PTPRD: variants seen among roughly 807,000 people sequenced by gnomAD.
The protein encoded by PTPRD is receptor-type tyrosine-protein phosphatase delta.
Under a neutral mutation model 214.5 loss-of-function variants are expected in PTPRD, and 34 were observed. The ratio of observed to expected loss-of-function variants is 0.16; its 90% CI spans 0.12 to 0.21. The LOEUF (loss-of-function observed/expected upper bound fraction) is 0.21. Among genes scored for constraint, PTPRD ranks in the 10% least tolerant of loss-of-function variants. The pLI is 1.00. For missense variants in PTPRD, 2,545 were observed against 2,398.7 expected, an observed-to-expected ratio of 1.06 and a Z score of -1.27; for synonymous variants, 1,128 against 845.7, an observed-to-expected ratio of 1.33 and a Z score of -5.79.
At chr9:10,200,357 T>G (rs747608478) in intron 3 of PTPRD, among the ~76,000 whole-genome samples, 9 of 152,040 alleles carry the variant, frequency 5.9e-5, no homozygotes, top group Non-Finnish European at 1.3e-4. Flanking sequence ...ATGTGCAGAC[T>G]TTTTTTATTG....
At chr9:8,908,283 A>G (rs910539583) in intron 11 of PTPRD, among the ~76,000 whole-genome samples, 2 of 152,230 alleles carry the variant, frequency 1.3e-5, no homozygotes, top group African/African-American at 2.4e-5. Flanking sequence ...CTTGCACTGT[A>G]AGAAACACTA....
intron 4 of PTPRD, among the ~76,000 whole-genome samples, chr9:9,999,005 G>A (rs1452767758): frequency 6.6e-6 from 1 of 152,160 alleles, no homozygotes; most frequent in Non-Finnish European, 1.5e-5. Context: ...GGAAACAGAT[G>A]AGGTAGCCAA....
At chr9:10,270,755 G>C (rs1012123355) in intron 3 of PTPRD, among the ~76,000 whole-genome samples, 1 of 152,082 alleles carries the variant, frequency 6.6e-6, no homozygotes, top group African/African-American at 2.4e-5. Context: ...CTAGAATATA[G>C]ACTATTTTCT....
chr9:9,239,108 C>T (rs2099968935), intron 9 of PTPRD, among the ~76,000 whole-genome samples: 1 of 151,704 alleles, frequency 6.6e-6, no homozygotes, highest in Non-Finnish European at 1.5e-5. Context: ...AATCTATTAC[C>T]CTGTCTTCTC....
At chr9:9,622,951 C>A (rs1017595663) in intron 7 of PTPRD, among the ~76,000 whole-genome samples, 1 of 152,110 alleles carries the variant, frequency 6.6e-6, no homozygotes, top group Non-Finnish European at 1.5e-5. Flanking sequence ...GATAGGTTAC[C>A]TATGCCTCCT....
chr9:9,978,534 A>C (rs2095436341), intron 4 of PTPRD, among the ~76,000 whole-genome samples: 1 of 152,138 alleles, frequency 6.6e-6, no homozygotes, highest in Admixed American at 6.5e-5. Context: ...AAATTTAAAA[A>C]ATAAATAAAA....
At chr9:8,452,491 C>T (rs953355708) in intron 33 of PTPRD, among the ~76,000 whole-genome samples, 5 of 152,120 alleles carry the variant, frequency 3.3e-5, no homozygotes, top group Non-Finnish European at 5.9e-5. Context: ...TAACTAGTAA[C>T]CTTTTTTCCT....
At position 9,788,787 on chromosome 9, in the gene PTPRD, TA is replaced by T. The variant is rs202222640; in HGVS notation, c.-367-21937del. On this transcript the variant is annotated intron_variant, in intron 5 of 45. Transcript: ENST00000381196. ...CCAAATCTGGCCATATTTTAAAGAATATTTTTTTTTTCTGCATGAAGTTGAC... is the reference window on the plus strand; with the variant it reads ...CCAAATCTGGCCATATTTTAAAGAATTTTTTTTTTTCTGCATGAAGTTGAC... Among the ~76,000 whole-genome samples, 828 of 152,124 alleles carry T rather than the reference TA, an allele frequency of 5.4e-3. 6 individuals carry two copies. Among genetic ancestry groups the T allele is most frequent in the African/African-American group, 0.019 (784 of 41,482 alleles).
intron 2 of PTPRD, among the ~76,000 whole-genome samples, chr9:10,410,270 T>TATATATATACAC (rs532202941): frequency 1.7e-4 from 24 of 139,844 alleles, no homozygotes; most frequent in African/African-American, 5.1e-4. Flanking sequence ...TATATATATA[T>TATATATATACAC]ACACACACAC....
At chr9:10,522,807 G>A (rs568832930) in intron 2 of PTPRD, among the ~76,000 whole-genome samples, 6 of 151,960 alleles carry the variant, frequency 3.9e-5, no homozygotes, top group Non-Finnish European at 8.8e-5. Flanking sequence ...GCACAGTAAA[G>A]CTGAACTTTT....
intron 8 of PTPRD, among the ~76,000 whole-genome samples, chr9:9,475,277 G>A (rs1195881499): frequency 1.3e-5 from 2 of 152,140 alleles, no homozygotes; most frequent in African/African-American, 2.4e-5. Flanking sequence ...CATATGACAT[G>A]TACAGCAACC....
intron 9 of PTPRD, among the ~76,000 whole-genome samples, chr9:9,256,000 A>G (rs1446050266): frequency 6.6e-6 from 1 of 152,062 alleles, no homozygotes; most frequent in African/African-American, 2.4e-5. Flanking sequence ...TTGCCAGGGC[A>G]AACACCTTTT....
intron 4 of PTPRD, among the ~76,000 whole-genome samples, chr9:9,968,202 A>G (rs1337664422): frequency 1.3e-5 from 2 of 152,210 alleles, no homozygotes; most frequent in African/African-American, 4.8e-5. Flanking sequence ...AACCACATGC[A>G]GTGTGCTACA....
intron 14 of PTPRD, among the ~76,000 whole-genome samples, chr9:8,544,889 C>CTTTTT (rs869280997): frequency 8.4e-6 from 1 of 118,728 alleles, no homozygotes; most frequent in Non-Finnish European, 1.7e-5. Context: ...AAAGACAGTC[C>CTTTTT]TTTTTTTTTT....
At chr9:9,369,845 C>A (rs1473061312) in intron 9 of PTPRD, among the ~76,000 whole-genome samples, 1 of 152,114 alleles carries the variant, frequency 6.6e-6, no homozygotes, top group African/African-American at 2.4e-5. Context: ...CCAGTTTTCC[C>A]AGAACCATTT....
intron 10 of PTPRD, among the ~76,000 whole-genome samples, chr9:9,045,454 G>T (rs1361729019): frequency 2.6e-5 from 4 of 152,078 alleles, no homozygotes; most frequent in African/African-American, 4.8e-5. Context: ...ATTTTGACAG[G>T]CAAACAATAA....
At chr9:9,240,389 T>C (rs1007358942) in intron 9 of PTPRD, among the ~76,000 whole-genome samples, 1 of 152,152 alleles carries the variant, frequency 6.6e-6, no homozygotes, top group African/African-American at 2.4e-5. Context: ...AAATTCTTTC[T>C]AGGCTGGATG....
In PTPRD at chr9:9,226,852, T is replaced by C. The variant is rs1356558892; in HGVS notation, c.-202-43489A>G. The stretch of plus-strand genomic sequence containing the variant: ...ATGTTGAGTGAATTAAAGACATATT[T>C]CACAATCATATGAAGATATGGTCAT... On this transcript the variant is annotated intron_variant, in intron 9 of 45. Coordinates refer to ENST00000381196, the MANE Select transcript of PTPRD (RefSeq NM_002839.4). 2.6e-5 allele frequency among the ~76,000 whole-genome samples: 4 copies of C among 152,096 alleles called. No homozygotes were observed. In the East Asian group the frequency reaches 7.7e-4, roughly 29 times the overall value.
At chr9:9,154,408 TCTCTTTCTGGCTTGCA>T (rs567065569) in intron 10 of PTPRD, among the ~76,000 whole-genome samples, 14,092 of 151,894 alleles carry the variant, frequency 0.093, 875 homozygotes, top group African/African-American at 0.17. Context: ...TGGTGTAGGC[TCTCTTTCTGGCTTGCA>T]GAGGGCTGTC....
Sources: gnomAD v4.1 joint callset for allele counts (sites outside exome capture counted in the v4.1 genomes callset) on GRCh38, gnomAD v4.1.1 for gene constraint, MANE v1.5 for transcripts, NCBI Gene and HGNC (gene_info 2026-07-23, HGNC 2026-07-21) for gene names.